Variants in AGO2 observed in about 807,000 individuals in gnomAD.
AGO2 encodes the protein argonaute RISC catalytic component 2, also known as protein argonaute-2.
AGO2 carries 5 observed loss-of-function variants against 102.3 expected under a neutral mutation model. The observed-to-expected ratio is 0.05, with a 90% CI of 0.03 to 0.10. AGO2 has a LOEUF of 0.10. AGO2 is among the 10% of genes least tolerant of loss of function. The pLI, the probability that AGO2 is intolerant of heterozygous loss-of-function variation, is 1.00. For synonymous variants in AGO2, 449 were observed against 473.1 expected (o/e 0.95, Z 0.66); for missense variants, 541 against 1,183.7 (o/e 0.46, Z 7.97).
chr8:140,579,934 TG>T (rs1368882420), intron 2 of AGO2, among the ~76,000 whole-genome samples: 1 of 152,238 alleles, frequency 6.6e-6, no homozygotes, highest in Non-Finnish European at 1.5e-5. Flanking sequence ...TCGCATCTGC[TG>T]GTTCTTCTGG....
At chr8:140,573,761 GCACAGCTACC>G (rs1263812174) in intron 2 of AGO2, among the ~76,000 whole-genome samples, 3 of 152,226 alleles carry the variant, frequency 2.0e-5, no homozygotes, top group African/African-American at 7.2e-5. Context: ...CCATGCCTCT[GCACAGCTACC>G]CACTGTGCAC....
At chr8:140,551,533 C>A in intron 10 of AGO2, 97 bp from the exon 11 acceptor site, 1 of 1,326,246 alleles carries the variant, frequency 7.5e-7, no homozygotes, top group Non-Finnish European at 9.8e-7. Flanking sequence ...CCCTGACCAA[C>A]AACTGCTTCT....
rs984546914 is a variant in AGO2, at chr8:140,557,292, G to A, written c.879-56C>T. The A allele has an allele frequency of 1.6e-5, 25 of 1,535,052 alleles. No homozygotes were observed. The highest frequency in any genetic ancestry group is 1.5e-4 in the South Asian group (12 of 79,224). The stretch of plus-strand genomic sequence containing the variant: ...GGCATCCCGGAGCCCCTTCCCCTGC[G>A]CTGCTTTTCATTTGCGTTTGCTTTT... On this transcript the variant is annotated intron_variant, in intron 7 of 18. Coordinates refer to ENST00000220592, the MANE Select transcript of AGO2 (RefSeq NM_012154.5). This position sits in a 1 kb window ranked among gnomAD's most constrained non-coding sequence, Gnocchi z 5.9.
intron 2 of AGO2, among the ~76,000 whole-genome samples, chr8:140,578,653 T>C (rs1179459058): frequency 6.6e-6 from 1 of 152,210 alleles, no homozygotes; most frequent in Non-Finnish European, 1.5e-5. Context: ...ATGCATTCCG[T>C]CCACCAGTGG....
intron 1 of AGO2, among the ~76,000 whole-genome samples, chr8:140,610,804 G>A (rs1422317581): frequency 6.6e-6 from 1 of 152,078 alleles, no homozygotes; most frequent in Admixed American, 6.6e-5. Context: ...TCCATCCAAA[G>A]ACTTTGAAAA....
the AGO2 span, among the ~76,000 whole-genome samples, chr8:140,642,109 A>T: frequency 6.6e-6 from 1 of 152,214 alleles, no homozygotes; most frequent in Non-Finnish European, 1.5e-5. Flanking sequence ...AGAACAAATG[A>T]AAATAAAGAT....
rs1164680329 is a variant in AGO2 at position 140,522,721 on chromosome 8, GAGGGGGAGA to G, written c.*9314_*9322del. The G allele has an allele frequency of 1.4e-4, 15 of 103,504 alleles. No homozygotes were observed. Among genetic ancestry groups the G allele is most frequent in the African/African-American group, 4.4e-4 (15 of 34,172 alleles). 6.4% of individuals were successfully genotyped at this position (103,504 alleles called of 1,614,324 possible). A position where few individuals can be genotyped will look rare whatever the true frequency, so the allele number is the denominator to read the frequency against. On this transcript the variant is annotated 3_prime_UTR_variant, in exon 19 of 19. Transcript: ENST00000220592. ...CAGAGAGAGGGAGGGGGAGGGGGGA[GAGGGGGAGA>G]GAGAGAGAGAGAGAGAGAGGTGTAT... is the stretch of plus-strand genomic sequence containing the variant.
intron 1 of AGO2, among the ~76,000 whole-genome samples, chr8:140,598,571 G>A (rs1462891024): frequency 6.6e-6 from 1 of 152,200 alleles, no homozygotes; most frequent in Non-Finnish European, 1.5e-5. Flanking sequence ...CGGCAGCACC[G>A]CACCCCGGAG....
At chr8:140,635,453 G>T in intron 1 of AGO2, 32 bp downstream of exon 1, 2 of 979,978 alleles carry the variant, frequency 2.0e-6, no homozygotes, top group East Asian at 2.3e-4. Flanking sequence ...CGCGCGAACG[G>T]CCGGGCGGGC....
chr8:140,523,051 G>T lies in AGO2; in HGVS notation c.*8993C>A, dbSNP rs768199177. ...TAATTTTACAATTCATGTAGCAAAT[G>T]GAAAATCATACAGAGAGGCCAATGT... is the stretch of plus-strand genomic sequence containing the variant. On this transcript the variant is annotated 3_prime_UTR_variant, in exon 19 of 19. Coordinates refer to ENST00000220592, the MANE Select transcript of AGO2 (RefSeq NM_012154.5). The T allele has an allele frequency of 1.3e-5, 2 of 152,152 alleles. No homozygotes were observed. Among genetic ancestry groups the T allele is most frequent in the Non-Finnish European group, 2.9e-5 (2 of 68,030 alleles). The allele number at this position is 152,152 out of a possible 1,614,324, so 9.4% of individuals were successfully genotyped here.
At chr8:140,607,535 GA>G (rs1235609318) in intron 1 of AGO2, among the ~76,000 whole-genome samples, 1 of 131,020 alleles carries the variant, frequency 7.6e-6, no homozygotes, top group East Asian at 2.4e-4. Context: ...CACACGTATG[GA>G]AAAAAACAAA....
At chr8:140,617,553 G>A (rs1222067301) in intron 1 of AGO2, among the ~76,000 whole-genome samples, 3 of 152,154 alleles carry the variant, frequency 2.0e-5, no homozygotes, top group Non-Finnish European at 2.9e-5. Context: ...GCGCCTGGCC[G>A]AGAAACACCA....
At chr8:140,618,043 C>G (rs2074164123) in intron 1 of AGO2, among the ~76,000 whole-genome samples, 1 of 151,892 alleles carries the variant, frequency 6.6e-6, no homozygotes, top group African/African-American at 2.4e-5. Context: ...GTGGCTCACG[C>G]CTGTAATCCC....
At chr8:140,625,332 C>T (rs1248113771) in intron 1 of AGO2, among the ~76,000 whole-genome samples, 1 of 152,174 alleles carries the variant, frequency 6.6e-6, no homozygotes, top group African/African-American at 2.4e-5. Flanking sequence ...CCTCAAACTC[C>T]TGACCTCAGG....
At chr8:140,559,051 TA>T (rs1452612131) in intron 6 of AGO2, among the ~76,000 whole-genome samples, 6 of 152,168 alleles carry the variant, frequency 3.9e-5, no homozygotes, top group African/African-American at 1.4e-4. Context: ...CCGGGCTGTG[TA>T]AGGATTAAAT....
intron 14 of AGO2, among the ~76,000 whole-genome samples, chr8:140,541,834 CGGA>C (rs2072803803): frequency 6.6e-6 from 1 of 150,930 alleles, no homozygotes; most frequent in African/African-American, 2.4e-5. Context: ...ACCCAGGAGG[CGGA>C]GGTTACAGTG....
chr8:140,623,578 G>A (rs994530236), intron 1 of AGO2, among the ~76,000 whole-genome samples: 5 of 152,154 alleles, frequency 3.3e-5, no homozygotes, highest in African/African-American at 7.2e-5. Context: ...AGAAGGGCAG[G>A]GCTGGTGGGA....
In AGO2 at chr8:140,630,382, A is replaced by G. The variant is rs532248423; in HGVS notation, c.22+5103T>C. Among the ~76,000 whole-genome samples, 7 of 152,316 alleles carry G rather than the reference A, an allele frequency of 4.6e-5. No individual in the cohort carries two copies. In the East Asian group the frequency reaches 9.7e-4, roughly 21 times the overall value. On this transcript the variant is annotated intron_variant, in intron 1 of 18. Transcript: ENST00000220592. Reference sequence around the variant, plus strand: ...GTCTCCTCACCCTGGGTGCAGCTCTATGGAGACAGAAACTGGGAGGGCCTG... The same window carrying G: ...GTCTCCTCACCCTGGGTGCAGCTCTGTGGAGACAGAAACTGGGAGGGCCTG...
rs2072429426 is a variant in AGO2, at chr8:140,522,476, A to C, written c.*9568T>G. The stretch of plus-strand genomic sequence containing the variant: ...GAACATGAGCAGGTTTGCAAATAAG[A>C]CCTACGCCCAAATCACACTCTCCAT... On this transcript the variant is annotated 3_prime_UTR_variant, in exon 19 of 19. Transcript: ENST00000220592. 1 of 150,716 alleles carries C rather than the reference A, an allele frequency of 6.6e-6. No individual in the cohort carries two copies. The highest frequency in any genetic ancestry group is 1.5e-5 in the Non-Finnish European group (1 of 67,828). 9.3% of individuals were successfully genotyped at this position (150,716 alleles called of 1,614,324 possible). A position where few individuals can be genotyped will look rare whatever the true frequency, so the allele number is the denominator to read the frequency against.
Sources: gnomAD v4.1 joint callset for allele counts (sites outside exome capture counted in the v4.1 genomes callset) on GRCh38, gnomAD v4.1.1 for gene constraint, Gnocchi (gnomAD v3.1) non-coding constraint, MANE v1.5 for transcripts, NCBI Gene and HGNC (gene_info 2026-07-23, HGNC 2026-07-21) for gene names.